Variants in C1QTNF3 observed in about 807,000 individuals in gnomAD.
C1QTNF3 encodes C1q and TNF related 3.
C1QTNF3 carries 26 observed loss-of-function variants against 32.6 expected under a neutral mutation model. The ratio of observed to expected loss-of-function variants is 0.80; its 90% CI spans 0.58 to 1.11. The LOEUF is 1.11. Among genes scored for constraint, C1QTNF3 ranks in the 50% least tolerant of loss-of-function variants. C1QTNF3 has a pLI of 0.00. For missense variants in C1QTNF3, 362 were observed against 398.2 expected (o/e 0.91, Z 0.77); for synonymous variants, 155 against 146.0 (o/e 1.06, Z -0.44).
chr5:34,062,656 A>G, the C1QTNF3 span, among the ~76,000 whole-genome samples: 4 of 152,122 alleles, frequency 2.6e-5, no homozygotes, highest in African/African-American at 7.2e-5. Flanking sequence ...TTTTTTCTCA[A>G]TCACCCAGGA....
chr5:34,065,017 T>C, the C1QTNF3 span, among the ~76,000 whole-genome samples: 1 of 152,000 alleles, frequency 6.6e-6, no homozygotes, highest in East Asian at 1.9e-4. Context: ...CCAAAAGCAA[T>C]TGCAACAAAA....
At chr5:34,215,932 C>T in the C1QTNF3 span, among the ~76,000 whole-genome samples, 1 of 152,198 alleles carries the variant, frequency 6.6e-6, no homozygotes, top group South Asian at 2.1e-4. Flanking sequence ...TATGCCAGGA[C>T]TCTCTCATGA....
chr5:34,237,324 T>C, the C1QTNF3 span, among the ~76,000 whole-genome samples: 46 of 152,330 alleles, frequency 3.0e-4, no homozygotes, highest in African/African-American at 1.1e-3. Context: ...TATTAGTCTA[T>C]TTTGGTCTCA....
chr5:34,062,768 G>T, the C1QTNF3 span, among the ~76,000 whole-genome samples: 1 of 152,196 alleles, frequency 6.6e-6, no homozygotes, highest in African/African-American at 2.4e-5. Flanking sequence ...AATCTGCTGG[G>T]TTAAGGGAAT....
chr5:34,100,422 C>A, the C1QTNF3 span, among the ~76,000 whole-genome samples: 2 of 151,114 alleles, frequency 1.3e-5, no homozygotes, highest in East Asian at 1.9e-4. Flanking sequence ...AAAATACTTG[C>A]GGTTCAATTT....
upstream of C1QTNF3, chr5:34,043,315 C>G: frequency 3.3e-6 from 2 of 598,798 alleles, no homozygotes; most frequent in Admixed American, 6.2e-5. Flanking sequence ...CAGAACAGCC[C>G]CCATTCATCA....
chr5:34,042,849 C>T lies in C1QTNF3; in HGVS notation c.277G>A (p.Ala93Thr), dbSNP rs769863322. The T allele has an allele frequency of 2.5e-6, 4 of 1,613,974 alleles. No individual in the cohort carries two copies. Among genetic ancestry groups the T allele is most frequent in the Non-Finnish European group, 2.5e-6 (3 of 1,180,020 alleles). ...ELPHPEVDDL[A>T]QITTFWGQSP... The stretch of plus-strand genomic sequence containing the variant: ...TGGCCCCAGAATGTGGTGATCTGGG[C>T]TAGGTCATCTACCTCGGGGTGCGGT... The change falls in exon 1 of 6, where the codon GCC becomes ACC. Residue 93 changes from alanine (A) to threonine (T), a missense_variant. Transcript: ENST00000382065.
the C1QTNF3 span, among the ~76,000 whole-genome samples, chr5:34,179,305 A>G: frequency 4.6e-5 from 7 of 152,288 alleles, no homozygotes; most frequent in African/African-American, 1.7e-4. Context: ...AACATGGCAA[A>G]ACCCCATTTC....
chr5:34,084,472 G>A, the C1QTNF3 span, among the ~76,000 whole-genome samples: 8 of 151,594 alleles, frequency 5.3e-5, no homozygotes, highest in South Asian at 4.2e-4. Flanking sequence ...TAAAGATATA[G>A]TCTCCCTGTC....
At chr5:34,161,809 G>C in the C1QTNF3 span, among the ~76,000 whole-genome samples, 1 of 152,228 alleles carries the variant, frequency 6.6e-6, no homozygotes. Context: ...CAAAGCTTGG[G>C]AGATAATTAT....
At chr5:34,046,519 G>C (rs958170103), upstream of C1QTNF3, among the ~76,000 whole-genome samples, 7 of 152,146 alleles carry the variant, frequency 4.6e-5, no homozygotes, top group Non-Finnish European at 1.0e-4. Context: ...ACAAGCCAAG[G>C]AATACCAAAG....
At chr5:34,031,897 T>C (rs1754623270) in intron 3 of C1QTNF3, among the ~76,000 whole-genome samples, 1 of 152,174 alleles carries the variant, frequency 6.6e-6, no homozygotes, top group Non-Finnish European at 1.5e-5. Flanking sequence ...ATTCAAGCTA[T>C]TTTAAACTTG....
chr5:34,166,625 G>A, the C1QTNF3 span: 4 of 152,000 alleles, frequency 2.6e-5, no homozygotes, highest in Non-Finnish European at 5.9e-5. Context: ...TATTCACAAA[G>A]TATTTTTTAT....
the C1QTNF3 span, among the ~76,000 whole-genome samples, chr5:34,095,233 TCTC>T: frequency 1.3e-5 from 2 of 152,086 alleles, no homozygotes; most frequent in African/African-American, 2.4e-5. Flanking sequence ...CTTCTCTTCA[TCTC>T]CTCTTCTCGA....
At chr5:34,213,802 TATATATA>T in the C1QTNF3 span, among the ~76,000 whole-genome samples, 1,448 of 5,658 alleles carry the variant, frequency 0.26, 59 homozygotes, top group Middle Eastern at 0.33. Context: ...TATATATATA[TATATATA>T]TTTTTTTTTT....
Position 34,020,326 on chromosome 5 carries a change from T to TCGG in C1QTNF3, c.*256_*257insCCG. 8.3e-6 allele frequency: 3 copies of TCGG among 360,812 alleles called. No homozygotes were observed. The Admixed American group carries it at 1.3e-4, about 15-fold the overall frequency. 22.4% of individuals were successfully genotyped at this position (360,812 alleles called of 1,614,324 possible). ...CAACCTGCGTCAGAGGAGAATTATC[T>TCGG]TTTAGGTGCCAAGGAAAGAGTGATA... On this transcript the variant is annotated 3_prime_UTR_variant, in exon 6 of 6. Coordinates refer to ENST00000382065, the MANE Select transcript of C1QTNF3 (RefSeq NM_181435.6).
the C1QTNF3 span, among the ~76,000 whole-genome samples, chr5:34,223,827 A>T: frequency 6.6e-6 from 1 of 152,166 alleles, no homozygotes; most frequent in African/African-American, 2.4e-5. Flanking sequence ...AAGGAAAGAA[A>T]GGGTATTCAA....
At chr5:34,039,806 G>A (rs1341645697) in intron 1 of C1QTNF3, among the ~76,000 whole-genome samples, 1 of 152,140 alleles carries the variant, frequency 6.6e-6, no homozygotes, top group African/African-American at 2.4e-5. Context: ...TAATAATTTA[G>A]AAACATTTTG....
At chr5:34,126,794 T>C in the C1QTNF3 span, among the ~76,000 whole-genome samples, 1 of 152,034 alleles carries the variant, frequency 6.6e-6, no homozygotes, top group Non-Finnish European at 1.5e-5. Flanking sequence ...TGCAACAAAA[T>C]GAATAAACCT....
Sources: gnomAD v4.1 joint callset for allele counts (sites outside exome capture counted in the v4.1 genomes callset) on GRCh38, gnomAD v4.1.1 for gene constraint, MANE v1.5 for transcripts, NCBI Gene and HGNC (gene_info 2026-07-23, HGNC 2026-07-21) for gene names.